Variants in TRAPPC3L observed in about 807,000 individuals in gnomAD.
The protein encoded by TRAPPC3L is trafficking protein particle complex subunit 3-like protein.
Under a neutral mutation model 23.7 loss-of-function variants are expected in TRAPPC3L, and 23 were observed. That is an observed-to-expected ratio of 0.97 (90% CI 0.70 to 1.37). The LOEUF is 1.37. TRAPPC3L is among the 40% of genes most tolerant of loss of function. The probability of loss-of-function intolerance (pLI) is 0.00; values close to 1 mark genes in which losing one functional copy is unlikely to be tolerated. For missense variants in TRAPPC3L, 212 were observed against 216.8 expected, an observed-to-expected ratio of 0.98 and a Z score of 0.14; for synonymous variants, 81 against 77.9, an observed-to-expected ratio of 1.04 and a Z score of -0.21.
chr6:116,519,522 G>C (rs999268263), intron 3 of TRAPPC3L: 4 of 152,182 alleles, frequency 2.6e-5, no homozygotes, highest in Admixed American at 6.5e-5. Flanking sequence ...TATCTAGAGA[G>C]GGCACCCAAT....
intron 3 of TRAPPC3L, among the ~76,000 whole-genome samples, chr6:116,531,540 G>T (rs1310113142): frequency 1.3e-5 from 2 of 152,090 alleles, no homozygotes; most frequent in Admixed American, 1.3e-4. Context: ...TTCCCATTTT[G>T]GTTCTTTCAT....
At chr6:116,508,640 C>T (rs548357359) in intron 3 of TRAPPC3L, among the ~76,000 whole-genome samples, 44 of 152,186 alleles carry the variant, frequency 2.9e-4, no homozygotes, top group Non-Finnish European at 5.9e-4. Context: ...AAAACTCAAA[C>T]TCTCCCTAAA....
intron 3 of TRAPPC3L, among the ~76,000 whole-genome samples, chr6:116,539,616 A>T (rs1475924752): frequency 6.6e-6 from 1 of 152,204 alleles, no homozygotes; most frequent in Non-Finnish European, 1.5e-5. Context: ...CTCAGAAAGC[A>T]TGATGGTATA....
chr6:116,543,360 G>A lies in TRAPPC3L; in HGVS notation c.83C>T (p.Ala28Val), dbSNP rs1303444215. ...LFVLTYGALV[A>V]QLCKDYEKDE... ...CTTCTCATAATCCTTACACAGCTGG[G>A]CAACCAGAGCTCCATAGGTAAGGAC... Residue 28 changes from alanine (A) to valine (V), a missense_variant, in exon 2 of 5, where the codon GCC becomes GTC. Ala to Val is a moderately conservative substitution (Grantham distance 64). Coordinates refer to ENST00000368602, the MANE Select transcript of TRAPPC3L (RefSeq NM_001139444.3). The A allele has an allele frequency of 8.4e-6, 13 of 1,549,906 alleles. No individual in the cohort carries two copies. Among genetic ancestry groups the A allele is most frequent in the Non-Finnish European group, 1.1e-5 (13 of 1,145,708 alleles).
chr6:116,527,148 T>C (rs1772453642), intron 3 of TRAPPC3L, among the ~76,000 whole-genome samples: 1 of 152,206 alleles, frequency 6.6e-6, no homozygotes, highest in Admixed American at 6.5e-5. Context: ...AATAATTTAG[T>C]TGCCTTTTCA....
intron 3 of TRAPPC3L, chr6:116,518,862 T>C (rs1307362985): frequency 2.0e-5 from 3 of 152,194 alleles, no homozygotes; most frequent in Non-Finnish European, 2.9e-5. Context: ...CCTGGGTACT[T>C]GTTGCTGCAG....
At chr6:116,541,758 A>G (rs1773478149) in intron 2 of TRAPPC3L, among the ~76,000 whole-genome samples, 2 of 152,202 alleles carry the variant, frequency 1.3e-5, no homozygotes, top group African/African-American at 2.4e-5. Context: ...CTCACTTTGC[A>G]TATCCACAGC....
At chr6:116,503,170 T>C (rs1771946708) in intron 3 of TRAPPC3L, among the ~76,000 whole-genome samples, 1 of 151,100 alleles carries the variant, frequency 6.6e-6, no homozygotes, top group Admixed American at 6.6e-5. Flanking sequence ...AATAAAGAGA[T>C]GGAGGAAGAT....
chr6:116,537,389 G>A (rs1462572005), intron 3 of TRAPPC3L, among the ~76,000 whole-genome samples: 2 of 152,126 alleles, frequency 1.3e-5, no homozygotes, highest in Non-Finnish European at 2.9e-5. Context: ...TGTACCATTA[G>A]GAGGTCAAAT....
Position 116,500,571 on chromosome 6 carries a change from C to A in TRAPPC3L, c.336G>T (p.Leu112=), listed in dbSNP as rs754409115. ...CAGGGAGCTCTTCCACAAACTCCAC[C>A]AGGGGATTCTTCTCTAGAATCAGGG... The part of the protein sequence containing the change: ...EFSLILEKNP[L]VEFVEELPAG... Residue 112 remains leucine (L), a synonymous_variant, in exon 4 of 5, where the codon CTG becomes CTT. Transcript: ENST00000368602. 5 of 1,551,506 alleles carry A rather than the reference C, an allele frequency of 3.2e-6. No individual in the cohort carries two copies. In the Admixed American group the frequency reaches 5.9e-5, roughly 18 times the overall value.
chr6:116,498,307 C>G (rs913208849), intron 4 of TRAPPC3L, among the ~76,000 whole-genome samples: 7 of 152,146 alleles, frequency 4.6e-5, no homozygotes, highest in African/African-American at 1.7e-4. Flanking sequence ...GCTTTCCCAC[C>G]TCTTCCTTGA....
intron 3 of TRAPPC3L, among the ~76,000 whole-genome samples, chr6:116,505,226 A>G (rs924705088): frequency 6.6e-6 from 1 of 152,234 alleles, no homozygotes; most frequent in Non-Finnish European, 1.5e-5. Context: ...CACCAATAAC[A>G]GACAAACAGA....
chr6:116,509,021 G>A (rs1460065825), intron 3 of TRAPPC3L, among the ~76,000 whole-genome samples: 2 of 147,754 alleles, frequency 1.4e-5, no homozygotes, highest in African/African-American at 5.0e-5. Flanking sequence ...CAAATCAGTA[G>A]CCCTGCTATA....
chr6:116,525,427 T>A (rs13215540), intron 3 of TRAPPC3L, among the ~76,000 whole-genome samples: 12,739 of 152,242 alleles, frequency 0.084, 751 homozygotes, highest in Non-Finnish European at 0.13. Context: ...TTTATTTTTT[T>A]AAAAATTTCC....
chr6:116,544,330 G>C (rs1773644542), intron 1 of TRAPPC3L, among the ~76,000 whole-genome samples: 1 of 151,962 alleles, frequency 6.6e-6, no homozygotes, highest in Non-Finnish European at 1.5e-5. Context: ...TTTCTTCTCT[G>C]TCCCTGATGG....
intron 3 of TRAPPC3L, among the ~76,000 whole-genome samples, chr6:116,537,968 C>A (rs555767694): frequency 6.6e-6 from 1 of 152,150 alleles, no homozygotes; most frequent in African/African-American, 2.4e-5. Flanking sequence ...ATATCCTGGT[C>A]GAGGACCACA....
chr6:116,506,108 GC>G (rs1772002981), intron 3 of TRAPPC3L, among the ~76,000 whole-genome samples: 1 of 152,098 alleles, frequency 6.6e-6, no homozygotes, highest in Non-Finnish European at 1.5e-5. Flanking sequence ...GAAAATTTTT[GC>G]AATCTACCCA....
intron 3 of TRAPPC3L, among the ~76,000 whole-genome samples, chr6:116,525,166 G>A (rs914340194): frequency 6.6e-6 from 1 of 152,172 alleles, no homozygotes; most frequent in African/African-American, 2.4e-5. Flanking sequence ...AAATGAGGAT[G>A]TTGAATTAGT....
chr6:116,501,045 T>C (rs1025556625), intron 3 of TRAPPC3L, among the ~76,000 whole-genome samples: 1 of 152,098 alleles, frequency 6.6e-6, no homozygotes, highest in African/African-American at 2.4e-5. Context: ...CATCGCCTCA[T>C]GTGGGAAGTG....
Sources: gnomAD v4.1 joint callset for allele counts (sites outside exome capture counted in the v4.1 genomes callset) on GRCh38, gnomAD v4.1.1 for gene constraint, MANE v1.5 for transcripts, NCBI Gene and HGNC (gene_info 2026-07-23, HGNC 2026-07-21) for gene names.